EGR1: variants seen among roughly 807,000 people sequenced by gnomAD.
EGR1 encodes the protein early growth response 1.
EGR1 carries 8 observed loss-of-function variants against 30.2 expected under a neutral mutation model. The ratio of observed to expected loss-of-function variants is 0.26; its 90% confidence interval spans 0.16 to 0.48. EGR1 has a LOEUF of 0.48. Ranked by LOEUF, EGR1 falls within the 20% of genes least tolerant of loss-of-function variation. The pLI, the probability that EGR1 is intolerant of heterozygous loss-of-function variation, is 0.99. For missense variants in EGR1, 568 were observed against 732.3 expected (o/e 0.78, Z 2.59); for synonymous variants, 334 against 312.8 (o/e 1.07, Z -0.72).
intron 1 of EGR1, among the ~76,000 whole-genome samples, chr5:138,466,515 C>T (rs150849222): frequency 0.014 from 2,093 of 152,356 alleles, 23 homozygotes; most frequent in Admixed American, 0.02. Flanking sequence ...GCACAGCCGC[C>T]GCTGCGGAGC....
Position 138,467,738 on chromosome 5 carries a change from T to C in EGR1, c.1289T>C (p.Val430Ala). ...RQKDKKADKS[V>A]VASSATSSLS... is the part of the protein sequence containing the mutation. The stretch of plus-strand genomic sequence containing the variant: ...AAGGACAAGAAAGCAGACAAAAGTG[T>C]TGTGGCCTCTTCGGCCACCTCCTCT... The change falls in exon 2 of 2, where the codon GTT (valine) becomes GCT (alanine). Residue 430 changes from valine (V) to alanine (A), a missense_variant. Val to Ala is a moderately conservative substitution (Grantham distance 64). Coordinates refer to ENST00000239938, the MANE Select transcript of EGR1 (RefSeq NM_001964.3). The surrounding 1 kb of genome is among the most constrained non-coding windows in gnomAD (Gnocchi z 8.3). 1 of 1,614,178 alleles carries C rather than the reference T, an allele frequency of 6.2e-7. No individual in the cohort carries two copies. Among genetic ancestry groups the C allele is most frequent in the Non-Finnish European group, 8.5e-7 (1 of 1,180,024 alleles).
Position 138,468,431 on chromosome 5 carries a change from G to A in EGR1, c.*350G>A, listed in dbSNP as rs968173802. The stretch of plus-strand genomic sequence containing the variant: ...TTGCTCCCTTCAATGCTAGAAAATC[G>A]AGTTGGCAAAATGGGGTTTGGGCCC... On this transcript the variant is annotated 3_prime_UTR_variant, in exon 2 of 2. Transcript: ENST00000239938. 8.9e-6 allele frequency: 4 copies of A among 448,912 alleles called. No homozygotes were observed. Among genetic ancestry groups the A allele is most frequent in the Admixed American group, 2.5e-5 (1 of 40,610 alleles). 27.8% of individuals were successfully genotyped at this position (448,912 alleles called of 1,614,324 possible).
intron 1 of EGR1, 64 bp from the exon 2 acceptor site, chr5:138,466,693 C>T (rs1764162165): frequency 6.5e-7 from 1 of 1,538,246 alleles, no homozygotes; most frequent in African/African-American, 1.4e-5. Flanking sequence ...CAGCTCGGGT[C>T]GTCCTCGTCC....
At position 138,467,075 on chromosome 5, in the gene EGR1, T is replaced by TC; in HGVS notation, c.630dup (p.Thr211HisfsTer5). The TC allele has an allele frequency of 6.2e-7, 1 of 1,613,390 alleles. No homozygotes were observed. The highest frequency in any genetic ancestry group is 8.5e-7 in the Non-Finnish European group (1 of 1,179,896). On this transcript the variant is annotated frameshift_variant, in exon 2 of 2. Transcript: ENST00000239938. LOFTEE classifies it high-confidence loss of function. The surrounding 1 kb of genome is among the most constrained non-coding windows in gnomAD (Gnocchi z 8.3). ...CCCATTTACTCAGCGGCACCCACCT[T>TC]CCCCACGCCGAACACTGACATTTTC... is the stretch of plus-strand genomic sequence containing the variant.
rs202136756 is a variant in EGR1 at position 138,468,050 on chromosome 5, C to A, written c.1601C>A (p.Thr534Asn). 1.9e-6 allele frequency: 3 copies of A among 1,585,436 alleles called. No individual in the cohort carries two copies. The highest frequency in any genetic ancestry group is 1.7e-6 in the Non-Finnish European group (2 of 1,166,306). ...ASTGLSDMTA[T>N]FSPRTIEIC ...ACAGGGCTTTCGGACATGACAGCAACCTTTTCTCCCAGGACAATTGAAATT... is the reference window on the plus strand; with the variant it reads ...ACAGGGCTTTCGGACATGACAGCAAACTTTTCTCCCAGGACAATTGAAATT... Residue 534 changes from threonine to asparagine, a missense_variant, in exon 2 of 2, where the codon ACC becomes AAC. Thr to Asn is a moderately conservative substitution (Grantham distance 65, BLOSUM62 0). Around this residue, in one of 4 missense-constraint regions of EGR1, gnomAD observed 118 missense variants for 161.6 expected, o/e 0.73. Transcript: ENST00000239938.
In EGR1 at chr5:138,467,893, T is replaced by C; in HGVS notation, c.1444T>C (p.Tyr482His). ...TSFSSPGSST[Y>H]PSPVHSGFPS... Reference sequence around the variant, plus strand: ...CTTCTCCTCTCCCGGCTCCTCGACCTACCCATCCCCTGTGCACAGTGGCTT... The same window carrying C: ...CTTCTCCTCTCCCGGCTCCTCGACCCACCCATCCCCTGTGCACAGTGGCTT... Residue 482 changes from tyrosine to histidine, a missense_variant, in exon 2 of 2, where the codon TAC becomes CAC. Around this residue, in one of 4 missense-constraint regions of EGR1, gnomAD observed 118 missense variants for 161.6 expected, o/e 0.73. Transcript: ENST00000239938. The surrounding 1 kb of genome is among the most constrained non-coding windows in gnomAD (Gnocchi z 8.3). 3 of 1,613,834 alleles carry C rather than the reference T, an allele frequency of 1.9e-6. No individual in the cohort carries two copies. The highest frequency in any genetic ancestry group is 1.7e-6 in the Non-Finnish European group (2 of 1,179,866).
At chr5:138,466,163 G>T in intron 1 of EGR1, 95 bp downstream of exon 1, 1 of 1,438,356 alleles carries the variant, frequency 7.0e-7, no homozygotes, top group South Asian at 1.5e-5. Flanking sequence ...TAGAATGAGA[G>T]CCGGGTTTCC....
At position 138,467,437 on chromosome 5, in the gene EGR1, A is replaced by C; in HGVS notation, c.988A>C (p.Lys330Gln). Residue 330 changes from lysine (K) to glutamine (Q), a missense_variant, in exon 2 of 2, where the codon AAG becomes CAG. Around this residue, in one of 4 missense-constraint regions of EGR1, gnomAD observed 415 missense variants for 445.2 expected, o/e 0.93. Transcript: ENST00000239938. This position sits in a 1 kb window ranked among gnomAD's most constrained non-coding sequence, Gnocchi z 8.3. ...GCGCAAGTACCCCAACCGGCCCAGC[A>C]AGACGCCCCCCCACGAACGCCCTTA... ...RMRKYPNRPS[K>Q]TPPHERPYAC... 6.2e-7 allele frequency: 1 copy of C among 1,614,058 alleles called. No homozygotes were observed. The highest frequency in any genetic ancestry group is 8.5e-7 in the Non-Finnish European group (1 of 1,180,010).
At chr5:138,466,166 G>T in intron 1 of EGR1, 98 bp downstream of exon 1, 9 of 1,434,816 alleles carry the variant, frequency 6.3e-6, no homozygotes, top group Non-Finnish European at 8.2e-6. Context: ...AATGAGAGCC[G>T]GGTTTCCCTT....
intron 1 of EGR1, 74 bp downstream of exon 1, chr5:138,466,142 C>T (rs1764155722): frequency 3.4e-6 from 5 of 1,452,626 alleles, no homozygotes; most frequent in Non-Finnish European, 4.5e-6. Context: ...CGCAGGAGTG[C>T]TCCTGGATCT....
chr5:138,467,538 A>G lies in EGR1; in HGVS notation c.1089A>G (p.Thr363=). Residue 363 remains threonine (T), a synonymous_variant, in exon 2 of 2, where the codon ACA becomes ACG. Transcript: ENST00000239938. This position sits in a 1 kb window ranked among gnomAD's most constrained non-coding sequence, Gnocchi z 8.3. ...TCACCCGCCACATCCGCATCCACAC[A>G]GGCCAGAAGCCCTTCCAGTGCCGCA... ...DELTRHIRIH[T]GQKPFQCRIC... The G allele has an allele frequency of 6.2e-7, 1 of 1,613,764 alleles. No homozygotes were observed. The highest frequency in any genetic ancestry group is 1.1e-5 in the South Asian group (1 of 91,082).
At position 138,467,781 on chromosome 5, in the gene EGR1, C is replaced by G; in HGVS notation, c.1332C>G (p.Ser444=). ...CCTCCTCTCTCTCTTCCTACCCGTC[C>G]CCGGTTGCTACCTCTTACCCGTCCC... is the stretch of plus-strand genomic sequence containing the variant. The part of the protein sequence containing the change: ...SATSSLSSYP[S]PVATSYPSPV... Residue 444 remains serine, a synonymous_variant, in exon 2 of 2, where the codon TCC becomes TCG. Transcript: ENST00000239938. The surrounding 1 kb of genome is among the most constrained non-coding windows in gnomAD (Gnocchi z 8.3). 2 of 1,613,746 alleles carry G rather than the reference C, an allele frequency of 1.2e-6. No individual in the cohort carries two copies. Among genetic ancestry groups the G allele is most frequent in the Non-Finnish European group, 1.7e-6 (2 of 1,179,740 alleles).
chr5:138,467,928 G>T lies in EGR1; in HGVS notation c.1479G>T (p.Pro493=). 1 of 1,613,156 alleles carries T rather than the reference G, an allele frequency of 6.2e-7. No individual in the cohort carries two copies. Among genetic ancestry groups the T allele is most frequent in the Non-Finnish European group, 8.5e-7 (1 of 1,179,480 alleles). The change falls in exon 2 of 2, where the codon CCG becomes CCT. Residue 493 remains proline, a synonymous_variant. Transcript: ENST00000239938. This position sits in a 1 kb window ranked among gnomAD's most constrained non-coding sequence, Gnocchi z 8.3. ...CTGTGCACAGTGGCTTCCCCTCCCC[G>T]TCGGTGGCCACCACGTACTCCTCTG... ...PSPVHSGFPS[P]SVATTYSSVP...
chr5:138,468,190 A>C lies in EGR1; in HGVS notation c.*109A>C, dbSNP rs199889910. ...GGAGGGTTCCTCTTAGGTCAGATGG[A>C]GGTTCTCAGAGCCAAGTCCTCCCTC... On this transcript the variant is annotated 3_prime_UTR_variant, in exon 2 of 2. Coordinates refer to ENST00000239938, the MANE Select transcript of EGR1 (RefSeq NM_001964.3). 6.0e-5 allele frequency: 91 copies of C among 1,514,126 alleles called. No individual in the cohort carries two copies. In the African/African-American group the frequency reaches 8.8e-4, roughly 15 times the overall value. 93.8% of individuals were successfully genotyped at this position (1,514,126 alleles called of 1,614,324 possible). A position where few individuals can be genotyped will look rare whatever the true frequency, so the allele number is the denominator to read the frequency against.
intron 1 of EGR1, 21 bp from the exon 2 acceptor site, chr5:138,466,736 C>G: frequency 1.3e-6 from 2 of 1,593,784 alleles, no homozygotes; most frequent in Non-Finnish European, 1.7e-6. Context: ...CCAGGCCTCC[C>G]GCTTCTCTCT....
rs1764163894 is a variant in EGR1, at chr5:138,466,839, C to T, written c.390C>T (p.Pro130=). ...SYPSQTTRLP[P]ITYTGRFSLE... is the part of the protein sequence containing the mutation. ...CCAGCCAAACCACTCGACTGCCCCC[C>T]ATCACCTATACTGGCCGCTTTTCCC... The change falls in exon 2 of 2, where the codon CCC becomes CCT. Residue 130 remains proline (P), a synonymous_variant. Coordinates refer to ENST00000239938, the MANE Select transcript of EGR1 (RefSeq NM_001964.3). The T allele has an allele frequency of 1.2e-6, 2 of 1,614,010 alleles. No individual in the cohort carries two copies. The highest frequency in any genetic ancestry group is 1.3e-5 in the African/African-American group (1 of 74,880).
In EGR1 at chr5:138,465,551, A is replaced by C. The variant is rs1764140092; in HGVS notation, c.-211A>C. On this transcript the variant is annotated 5_prime_UTR_variant, in exon 1 of 2. Coordinates refer to ENST00000239938, the MANE Select transcript of EGR1 (RefSeq NM_001964.3). ...CGCCGCAGCCAGCTTCCGCCGCCGC[A>C]GGACCGGCCCCTGCCCCAGCCTCCG... 1.4e-5 allele frequency: 5 copies of C among 356,048 alleles called. No homozygotes were observed. In the East Asian group the frequency reaches 2.5e-4, roughly 18 times the overall value. The allele number at this position is 356,048 out of a possible 1,614,324, so 22.1% of individuals were successfully genotyped here.
rs758759231 is a variant in EGR1, at chr5:138,468,275, A to G, written c.*194A>G. The stretch of plus-strand genomic sequence containing the variant: ...CTTTCTGCCCACTTCCCCTTCCCCA[A>G]TTACTATTCCCTTTGACTTCAGCTG... On this transcript the variant is annotated 3_prime_UTR_variant, in exon 2 of 2. Coordinates refer to ENST00000239938, the MANE Select transcript of EGR1 (RefSeq NM_001964.3). The G allele has an allele frequency of 4.0e-6, 5 of 1,248,346 alleles. No homozygotes were observed. Among genetic ancestry groups the G allele is most frequent in the South Asian group, 2.6e-5 (2 of 77,672 alleles). The allele number at this position is 1,248,346 out of a possible 1,614,324, so 77.3% of individuals were successfully genotyped here.
At chr5:138,466,732 C>A in intron 1 of EGR1, 25 bp from the exon 2 acceptor site, 1 of 1,590,782 alleles carries the variant, frequency 6.3e-7, no homozygotes, top group South Asian at 1.1e-5. Flanking sequence ...GTAACCAGGC[C>A]TCCCGCTTCT....
Sources: gnomAD v4.1 joint callset for allele counts (sites outside exome capture counted in the v4.1 genomes callset) on GRCh38, gnomAD v4.1.1 for gene constraint, gnomAD v4.1.1 regional missense constraint, Gnocchi (gnomAD v3.1) non-coding constraint, MANE v1.5 for transcripts, NCBI Gene and HGNC (gene_info 2026-07-23, HGNC 2026-07-21) for gene names.